Variants in DPP10 observed in about 807,000 individuals in gnomAD.
DPP10 encodes the protein dipeptidyl peptidase like 10, also known as inactive dipeptidyl peptidase 10.
A neutral mutation model predicts 120.9 loss-of-function variants in DPP10; 33 were observed. That is an observed-to-expected ratio of 0.27 (90% CI 0.21 to 0.37). DPP10 has a LOEUF of 0.37. Ranked by LOEUF, DPP10 falls within the 10% of genes least tolerant of loss-of-function variation. The pLI, the probability that DPP10 is intolerant of heterozygous loss-of-function variation, is 1.00. For missense variants in DPP10, 816 were observed against 942.8 expected (o/e 0.87, Z 1.76); for synonymous variants, 337 against 326.1 (o/e 1.03, Z -0.36).
intron 1 of DPP10, among the ~76,000 whole-genome samples, chr2:114,768,127 CAAA>C (rs759782705): frequency 8.0e-5 from 4 of 50,046 alleles, no homozygotes; most frequent in Admixed American, 2.2e-4. Flanking sequence ...GGCTCTGTCT[CAAA>C]AAAAAAAAAA....
intron 3 of DPP10, among the ~76,000 whole-genome samples, chr2:115,419,345 C>T (rs2069725075): frequency 6.6e-6 from 1 of 152,124 alleles, no homozygotes; most frequent in African/African-American, 2.4e-5. Context: ...GTATCTGCAT[C>T]TGGTGAAGTC....
intron 1 of DPP10, among the ~76,000 whole-genome samples, chr2:115,052,542 G>T (rs1002279375): frequency 2.0e-5 from 3 of 152,136 alleles, no homozygotes; most frequent in Admixed American, 6.5e-5. Context: ...CTCCAAAGAG[G>T]ATATACAAAT....
chr2:114,846,219 A>G (rs954710283), intron 1 of DPP10, among the ~76,000 whole-genome samples: 1 of 152,148 alleles, frequency 6.6e-6, no homozygotes, highest in Non-Finnish European at 1.5e-5. Context: ...CATGGAAGCT[A>G]AGAACCCAGT....
intron 1 of DPP10, among the ~76,000 whole-genome samples, chr2:115,140,130 A>G (rs183775316): frequency 2.1e-4 from 32 of 152,350 alleles, no homozygotes; most frequent in East Asian, 1.5e-3. Flanking sequence ...ATGGCAATAA[A>G]TTTTATAAAA....
At chr2:114,900,402 G>A (rs1693460850) in intron 1 of DPP10, among the ~76,000 whole-genome samples, 2 of 152,164 alleles carry the variant, frequency 1.3e-5, no homozygotes, top group Non-Finnish European at 2.9e-5. Flanking sequence ...ACCAATGCAT[G>A]AGCATTCTGG....
intron 5 of DPP10, among the ~76,000 whole-genome samples, chr2:115,568,460 C>T (rs11893232): frequency 6.6e-4 from 100 of 151,526 alleles, no homozygotes; most frequent in Admixed American, 2.1e-3. Context: ...TCCAGCCTGG[C>T]GACAGAGCGA....
chr2:114,789,190 C>T (rs1465731538), intron 1 of DPP10, among the ~76,000 whole-genome samples: 1 of 136,202 alleles, frequency 7.3e-6, no homozygotes, highest in Non-Finnish European at 1.6e-5. Flanking sequence ...CTGAAAAACC[C>T]AAAAACATTT....
chr2:114,497,145 G>A (rs139240560), intron 1 of DPP10, among the ~76,000 whole-genome samples: 80 of 142,960 alleles, frequency 5.6e-4, no homozygotes, highest in African/African-American at 1.8e-3. Context: ...AGGTATACAC[G>A]TGTATACATG....
At chr2:115,261,139 G>C (rs571130561) in intron 1 of DPP10, among the ~76,000 whole-genome samples, 16 of 152,118 alleles carry the variant, frequency 1.1e-4, no homozygotes, top group African/African-American at 3.9e-4. Context: ...ACAACAACAA[G>C]AACAACAACA....
intron 18 of DPP10, 50 bp downstream of exon 18, chr2:115,791,229 TTA>T: frequency 6.2e-7 from 1 of 1,606,046 alleles, no homozygotes; most frequent in Non-Finnish European, 8.5e-7. Context: ...TCTCTGCGTC[TTA>T]TAGTTTTACC....
At chr2:114,942,305 A>ATGTG (rs1696981276) in intron 1 of DPP10, among the ~76,000 whole-genome samples, 2 of 123,648 alleles carry the variant, frequency 1.6e-5, no homozygotes, top group African/African-American at 6.0e-5. Flanking sequence ...ATACATATAT[A>ATGTG]TATATATATA....
intron 12 of DPP10, among the ~76,000 whole-genome samples, chr2:115,764,020 A>G (rs776929496): frequency 3.9e-4 from 59 of 152,158 alleles, no homozygotes; most frequent in Non-Finnish European, 6.8e-4. Flanking sequence ...TAAATCACCT[A>G]TGTAAGAAGT....
At chr2:114,497,934 G>A (rs940182604) in intron 1 of DPP10, among the ~76,000 whole-genome samples, 1 of 152,140 alleles carries the variant, frequency 6.6e-6, no homozygotes, top group African/African-American at 2.4e-5. Context: ...AAGGTGTATT[G>A]TATTCAGTTT....
At chr2:114,494,755 G>A (rs993682013) in intron 1 of DPP10, among the ~76,000 whole-genome samples, 8 of 152,110 alleles carry the variant, frequency 5.3e-5, no homozygotes, top group African/African-American at 1.7e-4. Context: ...AGGTCATTTG[G>A]CCAGGGTTTT....
At chr2:115,493,468 A>G (rs924337884) in intron 3 of DPP10, among the ~76,000 whole-genome samples, 1 of 151,930 alleles carries the variant, frequency 6.6e-6, no homozygotes, top group Admixed American at 6.6e-5. Context: ...ATGTTTAAGA[A>G]TCCATATAAG....
chr2:114,711,636 T>C (rs1701037210), intron 1 of DPP10, among the ~76,000 whole-genome samples: 1 of 152,322 alleles, frequency 6.6e-6, no homozygotes, highest in South Asian at 2.1e-4. Context: ...TGTTTACTAA[T>C]AGAAGAACCA....
At chr2:115,664,667 C>A (rs1157435672) in intron 5 of DPP10, among the ~76,000 whole-genome samples, 1 of 152,170 alleles carries the variant, frequency 6.6e-6, no homozygotes, top group Non-Finnish European at 1.5e-5. Flanking sequence ...GCTGAGCTCA[C>A]CACCTCCTGT....
chr2:115,485,691 T>C (rs1488147292), intron 3 of DPP10, among the ~76,000 whole-genome samples: 21 of 152,134 alleles, frequency 1.4e-4, no homozygotes, highest in Admixed American at 1.4e-3. Context: ...TATGTCATTA[T>C]GCATTTGAAG....
At chr2:115,289,499 A>ATAGG (rs1192135414) in intron 1 of DPP10, among the ~76,000 whole-genome samples, 14 of 12,258 alleles carry the variant, frequency 1.1e-3, no homozygotes, top group East Asian at 9.5e-3. Context: ...AAAAAAAAAA[A>ATAGG]AAAAAGGAAG....
Sources: gnomAD v4.1 joint callset for allele counts (sites outside exome capture counted in the v4.1 genomes callset) on GRCh38, gnomAD v4.1.1 for gene constraint, MANE v1.5 for transcripts, NCBI Gene and HGNC (gene_info 2026-07-23, HGNC 2026-07-21) for gene names.